OR5H14: variants seen among roughly 807,000 people sequenced by gnomAD.
The protein encoded by OR5H14 is olfactory receptor family 5 subfamily H member 14.
For missense variants in OR5H14, 392 were observed against 363.9 expected, an observed-to-expected ratio of 1.08 and a Z score of -0.63; for synonymous variants, 155 against 130.6, an observed-to-expected ratio of 1.19 and a Z score of -1.28.
chr3:98,149,246 A>G (rs1708462960), intron 1 of OR5H14, 122 bp from the exon 2 acceptor site: 5 of 1,052,308 alleles, frequency 4.8e-6, no homozygotes, highest in South Asian at 1.7e-5. Flanking sequence ...TTTCTTATTT[A>G]TAATAATGAT....
rs563404214 is a variant in OR5H14 at position 98,154,407 on chromosome 3, C to G, written c.*4089C>G. On this transcript the variant is annotated 3_prime_UTR_variant, in exon 2 of 2. Coordinates refer to ENST00000641380, the MANE Select transcript of OR5H14 (RefSeq NM_001005514.2). ...ATCAGGGAGTCCTGGATTATATAAT[C>G]CTGGAAGAATTCTAAATTCCACAGA... 3.3e-5 allele frequency: 5 copies of G among 152,258 alleles called. No individual in the cohort carries two copies. The highest frequency in any genetic ancestry group is 1.2e-4 in the African/African-American group (5 of 41,562). 9.4% of individuals were successfully genotyped at this position (152,258 alleles called of 1,614,324 possible).
In OR5H14 at chr3:98,154,057, C is replaced by A. The variant is rs1489290843; in HGVS notation, c.*3739C>A. On this transcript the variant is annotated 3_prime_UTR_variant, in exon 2 of 2. Coordinates refer to ENST00000641380, the MANE Select transcript of OR5H14 (RefSeq NM_001005514.2). ...AGGTTAATGAGTTGAAGGTGGATCC[C>A]ACTGATGAATAGGACAAGTATTTTC... 6.6e-6 allele frequency: 1 copy of A among 152,050 alleles called. No individual in the cohort carries two copies. The highest frequency in any genetic ancestry group is 1.5e-5 in the Non-Finnish European group (1 of 68,014). 9.4% of individuals were successfully genotyped at this position (152,050 alleles called of 1,614,324 possible).
chr3:98,156,055 C>T lies in OR5H14; in HGVS notation c.*5737C>T, dbSNP rs1158371269. On this transcript the variant is annotated 3_prime_UTR_variant, in exon 2 of 2. Transcript: ENST00000641380. ...GAATTTCAGTTCTCTGACTTTTTCT[C>T]TCCTGGTCAAAACGGAGATATACAA... 1 of 152,158 alleles carries T rather than the reference C, an allele frequency of 6.6e-6. No individual in the cohort carries two copies. The highest frequency in any genetic ancestry group is 2.4e-5 in the African/African-American group (1 of 41,442). The allele number at this position is 152,158 out of a possible 1,614,324, so 9.4% of individuals were successfully genotyped here.
At position 98,152,123 on chromosome 3, in the gene OR5H14, T is replaced by G. The variant is rs1362956340; in HGVS notation, c.*1805T>G. On this transcript the variant is annotated 3_prime_UTR_variant, in exon 2 of 2. Transcript: ENST00000641380. ...AGATACCATCTCACGCCAGTTAGAA[T>G]GGCAATCATTAGAAAGTCAGGAAAT... is the stretch of plus-strand genomic sequence containing the variant. 6.6e-6 allele frequency: 1 copy of G among 152,138 alleles called. No homozygotes were observed. Among genetic ancestry groups the G allele is most frequent in the Non-Finnish European group, 1.5e-5 (1 of 68,024 alleles). The allele number at this position is 152,138 out of a possible 1,614,324, so 9.4% of individuals were successfully genotyped here. A position where few individuals can be genotyped will look rare whatever the true frequency, so the allele number is the denominator to read the frequency against.
intron 1 of OR5H14, chr3:98,147,952 C>G (rs1039985524): frequency 1.3e-5 from 2 of 151,926 alleles, no homozygotes; most frequent in African/African-American, 2.4e-5. Flanking sequence ...GATGAGTCAC[C>G]TACAGATAAA....
rs775349983 is a variant in OR5H14, at chr3:98,152,131, A to C, written c.*1813A>C. On this transcript the variant is annotated 3_prime_UTR_variant, in exon 2 of 2. Coordinates refer to ENST00000641380, the MANE Select transcript of OR5H14 (RefSeq NM_001005514.2). The stretch of plus-strand genomic sequence containing the variant: ...TCTCACGCCAGTTAGAATGGCAATC[A>C]TTAGAAAGTCAGGAAATGTTAGATG... 1 of 152,218 alleles carries C rather than the reference A, an allele frequency of 6.6e-6. No individual in the cohort carries two copies. Among genetic ancestry groups the C allele is most frequent in the Non-Finnish European group, 1.5e-5 (1 of 68,038 alleles). 9.4% of individuals were successfully genotyped at this position (152,218 alleles called of 1,614,324 possible). A position where few individuals can be genotyped will look rare whatever the true frequency, so the allele number is the denominator to read the frequency against.
At chr3:98,148,068 C>T (rs927984335) in intron 1 of OR5H14, 3 of 151,836 alleles carry the variant, frequency 2.0e-5, no homozygotes, top group African/African-American at 7.3e-5. Flanking sequence ...GTAATTCTGC[C>T]TTGGCTACCT....
chr3:98,154,118 T>G lies in OR5H14; in HGVS notation c.*3800T>G, dbSNP rs1006000085. ...CTCAACATGAATTGACCAGAATGTT[T>G]TACAAATCATACTTTTAATTTTGCC... is the stretch of plus-strand genomic sequence containing the variant. On this transcript the variant is annotated 3_prime_UTR_variant, in exon 2 of 2. Transcript: ENST00000641380. 1.3e-5 allele frequency: 2 copies of G among 152,210 alleles called. No homozygotes were observed. Among genetic ancestry groups the G allele is most frequent in the Admixed American group, 6.6e-5 (1 of 15,260 alleles). The allele number at this position is 152,210 out of a possible 1,614,324, so 9.4% of individuals were successfully genotyped here.
chr3:98,154,802 C>T lies in OR5H14; in HGVS notation c.*4484C>T, dbSNP rs563346067. The T allele has an allele frequency of 2.0e-5, 3 of 152,052 alleles. No homozygotes were observed. In the East Asian group the frequency reaches 5.8e-4, roughly 29 times the overall value. 9.4% of individuals were successfully genotyped at this position (152,052 alleles called of 1,614,324 possible). On this transcript the variant is annotated 3_prime_UTR_variant, in exon 2 of 2. Transcript: ENST00000641380. ...CATTCCTGAGTGTAGGTCCAACTAC[C>T]TCTGGGAGGAATTTATAGTTTGATT...
Position 98,150,220 on chromosome 3 carries a change from A to T in OR5H14, c.835A>T (p.Thr279Ser). The T allele has an allele frequency of 6.2e-7, 1 of 1,612,496 alleles. No homozygotes were observed. Among genetic ancestry groups the T allele is most frequent in the Non-Finnish European group, 8.5e-7 (1 of 1,179,072 alleles). The change falls in exon 2 of 2, where the codon ACT becomes TCT. Residue 279 changes from threonine (T) to serine (S), a missense_variant. By Grantham distance (58) the Thr-to-Ser change is moderately conservative. Coordinates refer to ENST00000641380, the MANE Select transcript of OR5H14 (RefSeq NM_001005514.2). ...AGATATGATGGAGTCTCTATTTTAC[A>T]CTGTCATAGTTCCTTTATTAAATCC... ...DQDMMESLFY[T>S]VIVPLLNPMI...
chr3:98,147,739 G>A (rs1158622022), intron 1 of OR5H14, among the ~76,000 whole-genome samples, 185 bp downstream of exon 1: 1 of 151,982 alleles, frequency 6.6e-6, no homozygotes, highest in Non-Finnish European at 1.5e-5. Context: ...AGGGTAAATA[G>A]TTATAAGACT....
At position 98,147,511 on chromosome 3, in the gene OR5H14, G is replaced by A. The variant is rs1268436945; in HGVS notation, c.-62G>A. 7.9e-5 allele frequency: 12 copies of A among 152,066 alleles called. No individual in the cohort carries two copies. The highest frequency in any genetic ancestry group is 2.9e-4 in the African/African-American group (12 of 41,432). 9.4% of individuals were successfully genotyped at this position (152,066 alleles called of 1,614,324 possible). ...GTGTTTTTTTTCTGTTTTAGAAAGT[G>A]TAACACGTTTAAAGGATATCCACAA... On this transcript the variant is annotated 5_prime_UTR_variant, in exon 1 of 2. Transcript: ENST00000641380.
rs1708490154 is a variant in OR5H14 at position 98,150,438 on chromosome 3, T to C, written c.*120T>C. 1 of 584,938 alleles carries C rather than the reference T, an allele frequency of 1.7e-6. No homozygotes were observed. Among genetic ancestry groups the C allele is most frequent in the Non-Finnish European group, 2.9e-6 (1 of 342,710 alleles). 36.2% of individuals were successfully genotyped at this position (584,938 alleles called of 1,614,324 possible). On this transcript the variant is annotated 3_prime_UTR_variant, in exon 2 of 2. Transcript: ENST00000641380. Reference sequence around the variant, plus strand: ...AATTATAACTGTCCTAGCGCTTTAATGACCTATGATATAAGCACCTATTTA... The same window carrying C: ...AATTATAACTGTCCTAGCGCTTTAACGACCTATGATATAAGCACCTATTTA...
Position 98,150,968 on chromosome 3 carries a change from G to A in OR5H14, c.*650G>A, listed in dbSNP as rs1708499594. 1 of 152,104 alleles carries A rather than the reference G, an allele frequency of 6.6e-6. No homozygotes were observed. The highest frequency in any genetic ancestry group is 2.4e-5 in the African/African-American group (1 of 41,418). 9.4% of individuals were successfully genotyped at this position (152,104 alleles called of 1,614,324 possible). A position where few individuals can be genotyped will look rare whatever the true frequency, so the allele number is the denominator to read the frequency against. ...TGCTTGTATGAGTAAGAACCATGCAGCCTCTAACTTCCTAAGATGGCTTCT... is the reference window on the plus strand; with the variant it reads ...TGCTTGTATGAGTAAGAACCATGCAACCTCTAACTTCCTAAGATGGCTTCT... On this transcript the variant is annotated 3_prime_UTR_variant, in exon 2 of 2. Transcript: ENST00000641380.
In OR5H14 at chr3:98,154,968, A is replaced by C. The variant is rs75033959; in HGVS notation, c.*4650A>C. 6.6e-6 allele frequency: 1 copy of C among 151,986 alleles called. No homozygotes were observed. Among genetic ancestry groups the C allele is most frequent in the Admixed American group, 6.6e-5 (1 of 15,252 alleles). 9.4% of individuals were successfully genotyped at this position (151,986 alleles called of 1,614,324 possible). Reference sequence around the variant, plus strand: ...TCATCATGCAACTGGAGGCCATGGAATTCTAACCTTCCTAACTGCTCCCAC... The same window carrying C: ...TCATCATGCAACTGGAGGCCATGGACTTCTAACCTTCCTAACTGCTCCCAC... On this transcript the variant is annotated 3_prime_UTR_variant, in exon 2 of 2. Transcript: ENST00000641380.
rs201654452 is a variant in OR5H14, at chr3:98,150,023, C to G, written c.638C>G (p.Thr213Ser). The G allele has an allele frequency of 9.3e-6, 15 of 1,612,968 alleles. No homozygotes were observed. In the East Asian group the frequency reaches 3.4e-4, roughly 36 times the overall value. ...TCAATTCAAGTTTTTACCATAGGGA[C>G]TGTTCTTATATCTTACATATTTGTC... ...AGSIQVFTIGTVLISYIFVLY... is the reference protein window; with the variant it reads ...AGSIQVFTIGSVLISYIFVLY... Residue 213 changes from threonine (T) to serine (S), a missense_variant, in exon 2 of 2, where the codon ACT becomes AGT. Coordinates refer to ENST00000641380, the MANE Select transcript of OR5H14 (RefSeq NM_001005514.2).
In OR5H14 at chr3:98,150,075, T is replaced by A; in HGVS notation, c.690T>A (p.Ser230=). 6.2e-7 allele frequency: 1 copy of A among 1,611,040 alleles called. No homozygotes were observed. The change falls in exon 2 of 2, where the codon TCT becomes TCA. Residue 230 remains serine, a synonymous_variant. Coordinates refer to ENST00000641380, the MANE Select transcript of OR5H14 (RefSeq NM_001005514.2). ...FVLYTILKKK[S]VKGMRKAFST... ...TCTATACAATCTTGAAAAAGAAGTC[T>A]GTCAAAGGTATGAGAAAAGCCTTCT... is the stretch of plus-strand genomic sequence containing the variant.
rs1708501320 is a variant in OR5H14 at position 98,151,089 on chromosome 3, G to T, written c.*771G>T. 6.6e-6 allele frequency: 1 copy of T among 151,968 alleles called. No individual in the cohort carries two copies. Among genetic ancestry groups the T allele is most frequent in the African/African-American group, 2.4e-5 (1 of 41,382 alleles). 9.4% of individuals were successfully genotyped at this position (151,968 alleles called of 1,614,324 possible). ...AAAAAATAGAACTTAGTTTAAAGTG[G>T]GGATAGAAAAGAAAAGATAAATGGC... On this transcript the variant is annotated 3_prime_UTR_variant, in exon 2 of 2. Transcript: ENST00000641380.
rs80331370 is a variant in OR5H14, at chr3:98,154,786, G to A, written c.*4468G>A. ...CCAAGCTGCCCTTCTTCATTCCTGAGTGTAGGTCCAACTACCTCTGGGAGG... is the reference window on the plus strand; with the variant it reads ...CCAAGCTGCCCTTCTTCATTCCTGAATGTAGGTCCAACTACCTCTGGGAGG... On this transcript the variant is annotated 3_prime_UTR_variant, in exon 2 of 2. Transcript: ENST00000641380. The A allele has an allele frequency of 0.18, 26,719 of 149,476 alleles. No homozygotes were observed. Among genetic ancestry groups the A allele is most frequent in the East Asian group, 0.37 (1,860 of 5,038 alleles). The allele number at this position is 149,476 out of a possible 1,614,324, so 9.3% of individuals were successfully genotyped here.
Sources: gnomAD v4.1 joint callset for allele counts (sites outside exome capture counted in the v4.1 genomes callset) on GRCh38, gnomAD v4.1.1 for gene constraint, MANE v1.5 for transcripts, NCBI Gene and HGNC (gene_info 2026-07-23, HGNC 2026-07-21) for gene names.